MPDZ: variants seen among roughly 807,000 people sequenced by gnomAD.
MPDZ encodes the protein multiple PDZ domain protein.
Under a neutral mutation model 239.1 loss-of-function variants are expected in MPDZ, and 234 were observed. That is an observed-to-expected ratio of 0.98 (90% CI 0.88 to 1.09). The LOEUF is 1.09. MPDZ is among the 50% of genes least tolerant of loss of function. The pLI is 0.00. For missense variants in MPDZ, 3,175 were observed against 2,510.0 expected (o/e 1.26, Z -5.66); for synonymous variants, 1,048 against 881.3 (o/e 1.19, Z -3.35).
chr9:13,130,417 G>A (rs377350862), intron 32 of MPDZ, among the ~76,000 whole-genome samples: 9 of 150,362 alleles, frequency 6.0e-5, no homozygotes, highest in Middle Eastern at 3.4e-3. Flanking sequence ...ATGCATGTAC[G>A]GCACATAACC....
At chr9:13,160,208 A>G (rs541837588) in intron 23 of MPDZ, among the ~76,000 whole-genome samples, 2 of 152,254 alleles carry the variant, frequency 1.3e-5, no homozygotes, top group African/African-American at 2.4e-5. Flanking sequence ...CTTGCTTCCA[A>G]TGGTAAGAAC....
chr9:13,113,112 C>A, intron 41 of MPDZ, 58 bp from the exon 42 acceptor site: 2 of 1,439,506 alleles, frequency 1.4e-6, no homozygotes, highest in South Asian at 2.6e-5. Flanking sequence ...TTTTTATGTT[C>A]GTTAAAATAT....
intron 13 of MPDZ, among the ~76,000 whole-genome samples, chr9:13,194,600 G>A (rs889098469): frequency 6.6e-6 from 1 of 151,994 alleles, no homozygotes; most frequent in East Asian, 1.9e-4. Context: ...ATGCATGCAG[G>A]CCTTAAAACC....
At chr9:13,125,136 A>G in intron 35 of MPDZ, 80 bp downstream of exon 35, 1 of 1,333,350 alleles carries the variant, frequency 7.5e-7, no homozygotes, top group South Asian at 1.7e-5. Flanking sequence ...ACAGGTAGGC[A>G]GCTGGCTCCC....
In MPDZ at chr9:13,168,420, T is replaced by C. The variant is rs764821475; in HGVS notation, c.3200A>G (p.Asn1067Ser). ...TCTCAACATAGCTCGTGCCTGGGCATTGGTTACACTGATGGTAGACTCTTC... is the reference window on the plus strand; with the variant it reads ...TCTCAACATAGCTCGTGCCTGGGCACTGGTTACACTGATGGTAGACTCTTC... ...INEESTISVT[N>S]AQARAMLRRH... The change falls in exon 22 of 47, where the codon AAT becomes AGT. Residue 1067 changes from asparagine to serine, a missense_variant. Asn to Ser is a conservative substitution (Grantham distance 46). Transcript: ENST00000319217. 12 of 1,613,414 alleles carry C rather than the reference T, an allele frequency of 7.4e-6. No homozygotes were observed. The highest frequency in any genetic ancestry group is 9.3e-6 in the Non-Finnish European group (11 of 1,179,572).
intron 46 of MPDZ, 43 bp from the exon 47 acceptor site, chr9:13,107,154 T>G: frequency 6.6e-7 from 1 of 1,524,376 alleles, no homozygotes; most frequent in South Asian, 1.3e-5. Context: ...CAAAAAATGC[T>G]GCCTTGCAAC....
chr9:13,127,510 T>A (rs567509968), intron 32 of MPDZ, among the ~76,000 whole-genome samples: 13 of 152,344 alleles, frequency 8.5e-5, no homozygotes, highest in South Asian at 4.1e-4. Flanking sequence ...TTGCCAGAGC[T>A]AGCCACCTTC....
At chr9:13,265,683 T>C (rs918769293) in intron 1 of MPDZ, among the ~76,000 whole-genome samples, 1 of 152,178 alleles carries the variant, frequency 6.6e-6, no homozygotes, top group African/African-American at 2.4e-5. Context: ...TCGGAGGTGA[T>C]AGTACAAAAC....
chr9:13,201,453 G>A (rs982391944), intron 12 of MPDZ, among the ~76,000 whole-genome samples: 1 of 151,886 alleles, frequency 6.6e-6, no homozygotes, highest in Admixed American at 6.6e-5. Context: ...GCTGGATGGT[G>A]TTGTCTTTCT....
intron 10 of MPDZ, among the ~76,000 whole-genome samples, chr9:13,211,666 C>T (rs999164632): frequency 6.6e-6 from 1 of 152,040 alleles, no homozygotes. Context: ...TCTGTAACAA[C>T]AAACTGTAAA....
chr9:13,272,678 C>CA (rs1425848649), intron 1 of MPDZ, among the ~76,000 whole-genome samples: 3 of 113,112 alleles, frequency 2.7e-5, no homozygotes, highest in African/African-American at 1.0e-4. Flanking sequence ...GCCAGGCTAA[C>CA]ATGGTGAAAC....
chr9:13,245,770 A>G (rs1452215981), intron 3 of MPDZ, among the ~76,000 whole-genome samples: 2 of 152,176 alleles, frequency 1.3e-5, no homozygotes, highest in African/African-American at 4.8e-5. Flanking sequence ...ATCACGTGGG[A>G]CCCAAATAGT....
rs757553553 is a variant in MPDZ at position 13,109,015 on chromosome 9, CCAT to C, written c.5984_5986del (p.Asp1995del). The C allele has an allele frequency of 6.3e-6, 10 of 1,594,216 alleles. No homozygotes were observed. Among genetic ancestry groups the C allele is most frequent in the Non-Finnish European group, 8.6e-6 (10 of 1,168,976 alleles). On this transcript the variant is annotated inframe_deletion, in exon 46 of 47. Coordinates refer to ENST00000319217, the MANE Select transcript of MPDZ (RefSeq NM_001378778.1). ...TCCTCCAACTATACTGAAGCCTAAGCCATCTGGTCCTCGCTCTAGTGTAATAGA... is the reference window on the plus strand; with the variant it reads ...TCCTCCAACTATACTGAAGCCTAAGCCTGGTCCTCGCTCTAGTGTAATAGA...
chr9:13,258,618 A>G (rs144676701), intron 1 of MPDZ, among the ~76,000 whole-genome samples: 185 of 152,326 alleles, frequency 1.2e-3, no homozygotes, highest in African/African-American at 4.1e-3. Flanking sequence ...ACTGAACTAC[A>G]GCTCTAAAAG....
At chr9:13,145,246 G>T (rs1231019396) in intron 26 of MPDZ, among the ~76,000 whole-genome samples, 1 of 151,860 alleles carries the variant, frequency 6.6e-6, no homozygotes. Flanking sequence ...ATAGTCCCAG[G>T]GGCTGAGAAA....
intron 39 of MPDZ, 51 bp from the exon 40 acceptor site, chr9:13,115,385 A>G (rs1943241870): frequency 7.0e-7 from 1 of 1,421,364 alleles, no homozygotes; most frequent in Non-Finnish European, 9.9e-7. Context: ...ATAAAATGCT[A>G]TAATCATCTT....
chr9:13,234,330 T>C (rs1395342841), intron 3 of MPDZ, among the ~76,000 whole-genome samples: 3 of 152,130 alleles, frequency 2.0e-5, no homozygotes, highest in Non-Finnish European at 4.4e-5. Context: ...TTCTTATATT[T>C]CATCTATTCC....
At position 13,206,230 on chromosome 9, in the gene MPDZ, A is replaced by G. The variant is rs1026336972; in HGVS notation, c.1291-131T>C. On this transcript the variant is annotated intron_variant, in intron 10 of 46. Coordinates refer to ENST00000319217, the MANE Select transcript of MPDZ (RefSeq NM_001378778.1). Reference sequence around the variant, plus strand: ...AGAATAAGTATTCACCTTATCAGGGAATTGACAGTAAGACCCTAATATCTC... The same window carrying G: ...AGAATAAGTATTCACCTTATCAGGGGATTGACAGTAAGACCCTAATATCTC... 40 of 822,928 alleles carry G rather than the reference A, an allele frequency of 4.9e-5. No individual in the cohort carries two copies. The Middle Eastern group carries it at 4.7e-3, about 96-fold the overall frequency. The allele number at this position is 822,928 out of a possible 1,614,324, so 51.0% of individuals were successfully genotyped here. A position where few individuals can be genotyped will look rare whatever the true frequency, so the allele number is the denominator to read the frequency against.
intron 38 of MPDZ, chr9:13,119,974 T>TC (rs1328721934): frequency 3.3e-6 from 1 of 300,688 alleles, no homozygotes. Flanking sequence ...GACTTAAGAG[T>TC]CAGTCCTTGG....
Sources: allele counts gnomAD v4.1 joint callset (sites outside exome capture counted in the v4.1 genomes callset), GRCh38; gene constraint gnomAD v4.1.1; transcripts MANE v1.5; gene names NCBI Gene and HGNC (gene_info 2026-07-23, HGNC 2026-07-21).